APBA1: variants seen among roughly 807,000 people sequenced by gnomAD.
The protein encoded by APBA1 is amyloid-beta A4 precursor protein-binding family A member 1.
In APBA1, 55 loss-of-function variants were observed where a neutral mutation model predicts 86.6. The observed-to-expected ratio is 0.64, with a 90% CI of 0.51 to 0.80. APBA1 has a LOEUF of 0.80. Among genes scored for constraint, APBA1 ranks in the 30% least tolerant of loss-of-function variants. APBA1 has a pLI of 0.00. For synonymous variants in APBA1, 511 were observed against 493.9 expected (o/e 1.03, Z -0.46); for missense variants, 1,090 against 1,183.0 (o/e 0.92, Z 1.15).
chr9:69,522,579 T>C (rs1588339270), intron 1 of APBA1, among the ~76,000 whole-genome samples: 1 of 152,130 alleles, frequency 6.6e-6, no homozygotes, highest in Non-Finnish European at 1.5e-5. Flanking sequence ...TAAACTATGG[T>C]TTAGGGCAGA....
At chr9:69,505,253 T>A (rs1159598388) in intron 2 of APBA1, among the ~76,000 whole-genome samples, 1 of 152,098 alleles carries the variant, frequency 6.6e-6, no homozygotes, top group Admixed American at 6.5e-5. Flanking sequence ...GTGAGGCTGC[T>A]CCCTTAACAT....
chr9:69,554,510 T>A (rs1014988740), intron 1 of APBA1, among the ~76,000 whole-genome samples: 1 of 152,186 alleles, frequency 6.6e-6, no homozygotes, highest in Non-Finnish European at 1.5e-5. Context: ...TGATGAGAAC[T>A]GCAAACCTCT....
At chr9:69,649,316 A>G (rs1426770063) in intron 1 of APBA1, among the ~76,000 whole-genome samples, 1 of 152,168 alleles carries the variant, frequency 6.6e-6, no homozygotes, top group African/African-American at 2.4e-5. Context: ...CATTATTCTC[A>G]GAATAAAGAA....
chr9:69,515,869 TGA>T, intron 2 of APBA1, 140 bp downstream of exon 2: 1 of 866,884 alleles, frequency 1.2e-6, no homozygotes, highest in Non-Finnish European at 1.7e-6. Context: ...AAGCTGTTTC[TGA>T]GGCTTACGGT....
chr9:69,517,422 T>C, intron 1 of APBA1, 143 bp from the exon 2 acceptor site: 1 of 768,988 alleles, frequency 1.3e-6, no homozygotes, highest in Non-Finnish European at 1.8e-6. Context: ...TTAAGTTCAA[T>C]CTGACAGCAC....
rs139787239 is a variant in APBA1 at position 69,658,516 on chromosome 9, C to T, written c.-70+13637G>A. Among the ~76,000 whole-genome samples, 524 of 151,488 alleles carry T rather than the reference C, an allele frequency of 3.5e-3. 4 individuals carry two copies. The highest frequency in any genetic ancestry group is 0.012 in the African/African-American group (491 of 41,212). On this transcript the variant is annotated intron_variant, in intron 1 of 12. Coordinates refer to ENST00000265381, the MANE Select transcript of APBA1 (RefSeq NM_001163.4). ...CTCCTGGGTTCAAGCAATTCTCCTA[C>T]CTCAGCCTCCTGAGTAGCTGGGATT...
At chr9:69,642,695 A>C (rs1327991574) in intron 1 of APBA1, among the ~76,000 whole-genome samples, 1 of 151,984 alleles carries the variant, frequency 6.6e-6, no homozygotes, top group East Asian at 1.9e-4. Flanking sequence ...TTGCAGATGA[A>C]GGTTTTTTTT....
rs141645677 is a variant in APBA1 at position 69,460,392 on chromosome 9, G to C, written c.1483-2204C>G. On this transcript the variant is annotated intron_variant, in intron 5 of 12. Coordinates refer to ENST00000265381, the MANE Select transcript of APBA1 (RefSeq NM_001163.4). ...CTGATGTTATGCCATGCCACACCAC[G>C]AGGATTCCCGTGTGGAACCCCAGAG... Among the ~76,000 whole-genome samples the C allele has an allele frequency of 1.4e-4, 21 of 152,286 alleles. No individual in the cohort carries two copies. In the East Asian group the frequency reaches 2.9e-3, roughly 21 times the overall value.
At chr9:69,548,127 G>A (rs1468154123) in intron 1 of APBA1, among the ~76,000 whole-genome samples, 1 of 152,192 alleles carries the variant, frequency 6.6e-6, no homozygotes, top group Non-Finnish European at 1.5e-5. Context: ...AACATGAGGA[G>A]GACTTGGCAC....
chr9:69,496,193 T>C (rs1473236422), intron 2 of APBA1, among the ~76,000 whole-genome samples: 1 of 152,030 alleles, frequency 6.6e-6, no homozygotes, highest in East Asian at 1.9e-4. Context: ...CAGAGAGACC[T>C]CTGCAGAGAG....
intron 1 of APBA1, among the ~76,000 whole-genome samples, chr9:69,525,351 G>C (rs550690509): frequency 2.0e-5 from 3 of 151,960 alleles, no homozygotes; most frequent in African/African-American, 7.3e-5. Context: ...ATGCCAAAAG[G>C]CTCCTAGAAC....
intron 1 of APBA1, among the ~76,000 whole-genome samples, chr9:69,653,217 C>A (rs1305447314): frequency 6.6e-6 from 1 of 151,862 alleles, no homozygotes; most frequent in African/African-American, 2.4e-5. Context: ...AAAAAAAAGG[C>A]CATTATATAA....
At chr9:69,572,254 C>A (rs1185923730) in intron 1 of APBA1, among the ~76,000 whole-genome samples, 1 of 152,170 alleles carries the variant, frequency 6.6e-6, no homozygotes, top group African/African-American at 2.4e-5. Context: ...GCCGTCCCCC[C>A]TGACAGGCCC....
intron 1 of APBA1, among the ~76,000 whole-genome samples, chr9:69,576,671 A>C (rs1016010621): frequency 1.3e-5 from 2 of 152,130 alleles, no homozygotes; most frequent in Non-Finnish European, 2.9e-5. Flanking sequence ...ACACATGGAC[A>C]CAGGAAGGGG....
At chr9:69,474,403 T>C (rs1303871680) in intron 3 of APBA1, 1 of 152,240 alleles carries the variant, frequency 6.6e-6, no homozygotes, top group Non-Finnish European at 1.5e-5. Context: ...AGGACAGTGA[T>C]ACCTACCTCA....
chr9:69,466,592 C>T (rs575975112), intron 5 of APBA1, among the ~76,000 whole-genome samples: 63 of 152,336 alleles, frequency 4.1e-4, no homozygotes, highest in African/African-American at 1.5e-3. Context: ...CTTGCTTTGT[C>T]ATTCCCTCAT....
intron 2 of APBA1, among the ~76,000 whole-genome samples, chr9:69,481,493 A>T (rs1283805408): frequency 6.6e-6 from 1 of 151,938 alleles, no homozygotes; most frequent in African/African-American, 2.4e-5. Context: ...ATGGAAGAAC[A>T]TTCCATGCTC....
chr9:69,491,333 T>G (rs1358389445), intron 2 of APBA1, among the ~76,000 whole-genome samples: 1 of 152,006 alleles, frequency 6.6e-6, no homozygotes, highest in Non-Finnish European at 1.5e-5. Flanking sequence ...GAAACCATCA[T>G]TCTCAGCAAA....
chr9:69,669,437 TAAGTG>T, intron 1 of APBA1, among the ~76,000 whole-genome samples: 1 of 152,310 alleles, frequency 6.6e-6, no homozygotes, highest in Middle Eastern at 3.4e-3. Context: ...GATGCTACTT[TAAGTG>T]AAGGAAAGGC....
Sources: allele counts gnomAD v4.1 joint callset (sites outside exome capture counted in the v4.1 genomes callset), GRCh38; gene constraint gnomAD v4.1.1; transcripts MANE v1.5; gene names NCBI Gene and HGNC (gene_info 2026-07-23, HGNC 2026-07-21).